The following ZPBP variants were observed in gnomAD, a reference collection of about 807,000 sequenced individuals.
ZPBP encodes zona pellucida-binding protein 1.
Under a neutral mutation model 44.8 loss-of-function variants are expected in ZPBP, and 26 were observed. That is an observed-to-expected ratio of 0.58 (90% CI 0.43 to 0.81). The LOEUF (loss-of-function observed/expected upper bound fraction) is 0.81. Among genes scored for constraint, ZPBP ranks in the 30% least tolerant of loss-of-function variants. The pLI, the probability that ZPBP is intolerant of heterozygous loss-of-function variation, is 0.00. For synonymous variants in ZPBP, 174 were observed against 153.2 expected, an observed-to-expected ratio of 1.14 and a Z score of -1.00; for missense variants, 409 against 434.0, an observed-to-expected ratio of 0.94 and a Z score of 0.51.
At chr7:49,853,766 C>T (rs1358220939) in intron 2 of ZPBP, among the ~76,000 whole-genome samples, 11 of 151,858 alleles carry the variant, frequency 7.2e-5, no homozygotes, top group Non-Finnish European at 1.6e-4. Context: ...GCACAACGTG[C>T]AGGTTTGTTA....
chr7:49,896,900 T>A (rs980086806), intron 2 of ZPBP, among the ~76,000 whole-genome samples: 40 of 146,212 alleles, frequency 2.7e-4, no homozygotes, highest in Non-Finnish European at 4.8e-4. Context: ...TTTTTTTTTT[T>A]TTTTTTGAGA....
At chr7:50,040,910 T>C (rs1167925928) in intron 4 of ZPBP, among the ~76,000 whole-genome samples, 1 of 152,118 alleles carries the variant, frequency 6.6e-6, no homozygotes, top group Admixed American at 6.6e-5. Context: ...TCCACTGGCT[T>C]GAAATTCTCG....
intron 6 of ZPBP, among the ~76,000 whole-genome samples, chr7:49,995,168 A>G (rs186580084): frequency 1.3e-5 from 2 of 152,324 alleles, no homozygotes; most frequent in African/African-American, 2.4e-5. Context: ...TTCTCACTCA[A>G]TATCTCCACT....
At chr7:49,996,875 G>A (rs1372808663) in intron 6 of ZPBP, among the ~76,000 whole-genome samples, 1 of 152,094 alleles carries the variant, frequency 6.6e-6, no homozygotes, top group Non-Finnish European at 1.5e-5. Flanking sequence ...TGTCCCTTAG[G>A]CTTACTATGC....
chr7:49,962,688 T>C (rs945429277), intron 7 of ZPBP, among the ~76,000 whole-genome samples: 1 of 151,898 alleles, frequency 6.6e-6, no homozygotes, highest in Non-Finnish European at 1.5e-5. Flanking sequence ...AGTAAAATTG[T>C]CTTTATTCTT....
chr7:49,982,896 A>C (rs1312979213), intron 7 of ZPBP, among the ~76,000 whole-genome samples: 1 of 152,010 alleles, frequency 6.6e-6, no homozygotes, highest in East Asian at 1.9e-4. Context: ...CAGATCCTGT[A>C]GTGCTAGGAC....
At chr7:50,067,214 C>T (rs549105358) in intron 3 of ZPBP, among the ~76,000 whole-genome samples, 25 of 152,054 alleles carry the variant, frequency 1.6e-4, no homozygotes, top group African/African-American at 6.0e-4. Context: ...TTTTTTTAGC[C>T]TTTAGTGTTC....
At chr7:49,936,221 T>C (rs1466472217), downstream of ZPBP, 1 of 152,186 alleles carries the variant, frequency 6.6e-6, no homozygotes, top group Non-Finnish European at 1.5e-5. Context: ...ATATGTCACT[T>C]ACTAGAGGAA....
At chr7:49,958,310 G>A (rs1242035255) in intron 7 of ZPBP, among the ~76,000 whole-genome samples, 2 of 152,128 alleles carry the variant, frequency 1.3e-5, no homozygotes, top group South Asian at 2.1e-4. Flanking sequence ...AAAAATGACT[G>A]TATGTTATAT....
downstream of ZPBP, among the ~76,000 whole-genome samples, chr7:49,849,498 T>C (rs1359784125): frequency 6.6e-6 from 1 of 152,132 alleles, no homozygotes; most frequent in Non-Finnish European, 1.5e-5. Flanking sequence ...CCTTCTGAAG[T>C]GCATCTTTCT....
intron 7 of ZPBP, among the ~76,000 whole-genome samples, chr7:49,973,132 T>A (rs1461881077): frequency 6.6e-6 from 1 of 151,826 alleles, no homozygotes; most frequent in Non-Finnish European, 1.5e-5. Context: ...CTAATGACAC[T>A]GGGGGAAAGT....
At chr7:50,086,129 G>A (rs554336592) in intron 2 of ZPBP, among the ~76,000 whole-genome samples, 2 of 152,224 alleles carry the variant, frequency 1.3e-5, no homozygotes, top group Non-Finnish European at 2.9e-5. Flanking sequence ...AGAGATTTCA[G>A]TGGTTATGGG....
chr7:49,987,859 T>G (rs1456100578), intron 6 of ZPBP, among the ~76,000 whole-genome samples: 1 of 152,094 alleles, frequency 6.6e-6, no homozygotes, highest in Non-Finnish European at 1.5e-5. Flanking sequence ...ATAAAAGCTG[T>G]GGGACCTTTT....
downstream of ZPBP, among the ~76,000 whole-genome samples, chr7:49,933,813 A>T (rs1265282747): frequency 6.6e-6 from 1 of 151,418 alleles, no homozygotes; most frequent in African/African-American, 2.4e-5. Context: ...CAAAAAACCA[A>T]ACACTGTATG....
intron 3 of ZPBP, among the ~76,000 whole-genome samples, chr7:50,080,655 T>C (rs1187917608): frequency 6.6e-6 from 1 of 151,816 alleles, no homozygotes; most frequent in Non-Finnish European, 1.5e-5. Flanking sequence ...AACACATGTT[T>C]CTATTACATT....
At chr7:49,880,815 C>T (rs978034455) in intron 2 of ZPBP, among the ~76,000 whole-genome samples, 5 of 151,980 alleles carry the variant, frequency 3.3e-5, no homozygotes, top group African/African-American at 9.7e-5. Context: ...GTTTACATGG[C>T]TTCATTATGC....
At chr7:49,949,554 C>T (rs953120855) in intron 7 of ZPBP, among the ~76,000 whole-genome samples, 6 of 151,870 alleles carry the variant, frequency 4.0e-5, no homozygotes, top group Non-Finnish European at 8.8e-5. Flanking sequence ...TATGATTCCA[C>T]TTATATGAGG....
At chr7:50,002,713 G>T (rs542675839) in intron 6 of ZPBP, among the ~76,000 whole-genome samples, 1 of 152,270 alleles carries the variant, frequency 6.6e-6, no homozygotes, top group Admixed American at 6.5e-5. Flanking sequence ...TATCTTAGAA[G>T]TAAGGAATAA....
chr7:49,923,826 A>G (rs1277960638), intron 1 of ZPBP, among the ~76,000 whole-genome samples: 1 of 152,194 alleles, frequency 6.6e-6, no homozygotes, highest in African/African-American at 2.4e-5. Context: ...CTGCATTTTT[A>G]AAGAATAGGG....
Sources: gnomAD v4.1 joint callset for allele counts (sites outside exome capture counted in the v4.1 genomes callset) on GRCh38, gnomAD v4.1.1 for gene constraint, MANE v1.5 for transcripts, NCBI Gene and HGNC (gene_info 2026-07-23, HGNC 2026-07-21) for gene names.